The following ZSWIM6 variants were observed in gnomAD, a reference collection of about 807,000 sequenced individuals.
The protein encoded by ZSWIM6 is zinc finger SWIM domain-containing protein 6.
ZSWIM6 carries 9 observed loss-of-function variants against 113.2 expected under a neutral mutation model. That is an observed-to-expected ratio of 0.08 (90% CI 0.05 to 0.14). The LOEUF is 0.14. Among genes scored for constraint, ZSWIM6 ranks in the 10% least tolerant of loss-of-function variants. ZSWIM6 has a pLI of 1.00. For synonymous variants in ZSWIM6, 611 were observed against 606.5 expected (o/e 1.01, Z -0.11); for missense variants, 1,162 against 1,552.2 (o/e 0.75, Z 4.22).
At chr5:61,387,789 T>C (rs765057421) in intron 1 of ZSWIM6, among the ~76,000 whole-genome samples, 5 of 151,544 alleles carry the variant, frequency 3.3e-5, no homozygotes, top group Non-Finnish European at 7.4e-5. Flanking sequence ...CGCATCCCTG[T>C]AATCCCAGCT....
chr5:61,411,409 T>C (rs1746145897), intron 1 of ZSWIM6, among the ~76,000 whole-genome samples: 1 of 152,160 alleles, frequency 6.6e-6, no homozygotes, highest in Admixed American at 6.5e-5. Context: ...AACCCCCTAA[T>C]TGGAAGCTTT....
chr5:61,343,536 T>G (rs1224164514), intron 1 of ZSWIM6, among the ~76,000 whole-genome samples: 1 of 152,228 alleles, frequency 6.6e-6, no homozygotes. Flanking sequence ...TGCTGATAGT[T>G]ACTAGCATTT....
At chr5:61,397,752 G>A (rs2112099352) in intron 1 of ZSWIM6, among the ~76,000 whole-genome samples, 1 of 152,262 alleles carries the variant, frequency 6.6e-6, no homozygotes, top group African/African-American at 2.4e-5. Flanking sequence ...TGAAGGGGAT[G>A]GAGTCCTTAT....
intron 1 of ZSWIM6, among the ~76,000 whole-genome samples, chr5:61,465,124 G>A (rs959699404): frequency 6.6e-6 from 1 of 152,196 alleles, no homozygotes; most frequent in Admixed American, 6.5e-5. Context: ...ATTAGAAAAG[G>A]TTGGCATCAG....
chr5:61,526,089 T>C (rs1385647431), intron 6 of ZSWIM6, 113 bp downstream of exon 6: 1 of 1,425,804 alleles, frequency 7.0e-7, no homozygotes, highest in Non-Finnish European at 9.5e-7. Context: ...GATGGATGAA[T>C]GCTTGGCAAT....
At chr5:61,333,459 C>A (rs1022518516) in intron 1 of ZSWIM6, among the ~76,000 whole-genome samples, 1 of 152,006 alleles carries the variant, frequency 6.6e-6, no homozygotes, top group Non-Finnish European at 1.5e-5. Context: ...GCCCCCGCCC[C>A]ACGCGATTTG....
At chr5:61,351,287 A>C (rs915103678) in intron 1 of ZSWIM6, among the ~76,000 whole-genome samples, 2 of 152,212 alleles carry the variant, frequency 1.3e-5, no homozygotes, top group East Asian at 3.9e-4. Flanking sequence ...GCTAAAATCA[A>C]TTCTATGTTA....
At chr5:61,400,814 C>T (rs147555695) in intron 1 of ZSWIM6, among the ~76,000 whole-genome samples, 18 of 152,230 alleles carry the variant, frequency 1.2e-4, no homozygotes, top group Non-Finnish European at 2.5e-4. Context: ...AAAATGTTGA[C>T]CAGGGCAACA....
At chr5:61,418,778 T>G (rs1276538497) in intron 1 of ZSWIM6, among the ~76,000 whole-genome samples, 2 of 152,210 alleles carry the variant, frequency 1.3e-5, no homozygotes, top group African/African-American at 4.8e-5. Context: ...AATGTTTACT[T>G]TACGAGACAC....
At chr5:61,487,002 A>T (rs1748036045) in intron 2 of ZSWIM6, among the ~76,000 whole-genome samples, 1 of 151,834 alleles carries the variant, frequency 6.6e-6, no homozygotes, top group Non-Finnish European at 1.5e-5. Flanking sequence ...CTTTGCCTAG[A>T]CCAGTGTCCA....
rs761136464 is a variant in ZSWIM6 at position 61,494,263 on chromosome 5, C to T, written c.1186C>T (p.Arg396Trp). The change falls in exon 4 of 14, where the codon CGG (arginine) becomes TGG (tryptophan). Residue 396 changes from arginine to tryptophan, a missense_variant. Arg to Trp is a moderately radical substitution (Grantham distance 101). Coordinates refer to ENST00000252744, the MANE Select transcript of ZSWIM6 (RefSeq NM_020928.2). ...KQLNLLFAKVREMLKMRDSNG... is the reference protein window; with the variant it reads ...KQLNLLFAKVWEMLKMRDSNG... ...AAGGTCTGTTTTTCCCCATTAGGTG[C>T]GGGAGATGTTAAAGATGAGGGACTC... 1 of 1,550,386 alleles carries T rather than the reference C, an allele frequency of 6.5e-7. No individual in the cohort carries two copies. The highest frequency in any genetic ancestry group is 1.2e-5 in the South Asian group (1 of 84,010).
chr5:61,481,988 C>A (rs1747877581), intron 2 of ZSWIM6, among the ~76,000 whole-genome samples: 1 of 151,982 alleles, frequency 6.6e-6, no homozygotes, highest in South Asian at 2.1e-4. Context: ...TTTAATGGAC[C>A]ATTTAATTTA....
chr5:61,541,607 A>G (rs1749740610), intron 12 of ZSWIM6, among the ~76,000 whole-genome samples: 1 of 152,212 alleles, frequency 6.6e-6, no homozygotes, highest in South Asian at 2.1e-4. Flanking sequence ...ATGAGAAAAG[A>G]TAGAGTAACT....
intron 1 of ZSWIM6, among the ~76,000 whole-genome samples, chr5:61,399,328 C>T (rs1167552986): frequency 6.7e-6 from 1 of 150,012 alleles, no homozygotes; most frequent in East Asian, 2.0e-4. Flanking sequence ...TGGATTAAAT[C>T]CTAATATGTG....
chr5:61,511,961 C>G (rs1041089677), intron 4 of ZSWIM6, among the ~76,000 whole-genome samples: 7 of 152,176 alleles, frequency 4.6e-5, no homozygotes, highest in Admixed American at 1.3e-4. Context: ...TAAGGTTGTA[C>G]AAGTCTTACT....
intron 1 of ZSWIM6, among the ~76,000 whole-genome samples, chr5:61,452,045 T>C (rs1185135967): frequency 6.6e-6 from 1 of 152,114 alleles, no homozygotes; most frequent in African/African-American, 2.4e-5. Flanking sequence ...CTTGGAGCCT[T>C]TTGTGTGCCT....
chr5:61,381,598 A>C (rs1246758131), intron 1 of ZSWIM6, among the ~76,000 whole-genome samples: 1 of 152,158 alleles, frequency 6.6e-6, no homozygotes, highest in Non-Finnish European at 1.5e-5. Context: ...AGTTGTCCAT[A>C]GTTTTTTTTG....
At chr5:61,530,780 T>C (rs1436747822) in intron 8 of ZSWIM6, among the ~76,000 whole-genome samples, 1 of 152,194 alleles carries the variant, frequency 6.6e-6, no homozygotes, top group Non-Finnish European at 1.5e-5. Flanking sequence ...GATGTCCCTT[T>C]GTTGCTTCCA....
chr5:61,413,633 C>T (rs1390929288), intron 1 of ZSWIM6, among the ~76,000 whole-genome samples: 1 of 152,094 alleles, frequency 6.6e-6, no homozygotes, highest in Non-Finnish European at 1.5e-5. Flanking sequence ...GTTTACAGTC[C>T]CACCAACAGT....
Sources: gnomAD v4.1 joint callset for allele counts (sites outside exome capture counted in the v4.1 genomes callset) on GRCh38, gnomAD v4.1.1 for gene constraint, MANE v1.5 for transcripts, NCBI Gene and HGNC (gene_info 2026-07-23, HGNC 2026-07-21) for gene names.